Variants in RBM47 observed in about 807,000 individuals in gnomAD.
RBM47 encodes the protein RNA binding motif protein 47, also known as RNA-binding protein 47.
In RBM47, 21 loss-of-function variants were observed where a neutral mutation model predicts 47.1. That is an observed-to-expected ratio of 0.45 (90% CI 0.32 to 0.64). The LOEUF is 0.64. Among genes scored for constraint, RBM47 ranks in the 30% least tolerant of loss-of-function variants. RBM47 has a pLI of 0.05. For missense variants in RBM47, 708 were observed against 870.9 expected (o/e 0.81, Z 2.35); for synonymous variants, 375 against 361.7 (o/e 1.04, Z -0.42).
intron 1 of RBM47, among the ~76,000 whole-genome samples, chr4:40,614,918 C>T (rs1736584752): frequency 6.6e-6 from 1 of 151,984 alleles, no homozygotes; most frequent in African/African-American, 2.4e-5. Flanking sequence ...CTACACATGT[C>T]AAATGAGGAT....
intron 2 of RBM47, chr4:40,492,135 G>A (rs1721966393): frequency 6.6e-6 from 1 of 151,106 alleles, no homozygotes; most frequent in South Asian, 2.1e-4. Context: ...TTGGGAGGCA[G>A]AGATAGGCAG....
chr4:40,437,110 T>TATATATATATAA (rs1434102827), intron 4 of RBM47, among the ~76,000 whole-genome samples: 16 of 59,630 alleles, frequency 2.7e-4, no homozygotes, highest in African/African-American at 1.3e-3. Context: ...TATATATATA[T>TATATATATATAA]AAAATACATA....
At chr4:40,460,548 G>A (rs996774057) in intron 3 of RBM47, among the ~76,000 whole-genome samples, 2 of 152,268 alleles carry the variant, frequency 1.3e-5, no homozygotes, top group South Asian at 2.1e-4. Flanking sequence ...GGTGGCTCAC[G>A]CCTGTAATCC....
intron 1 of RBM47, among the ~76,000 whole-genome samples, chr4:40,555,274 C>G (rs147612929): frequency 0.02 from 3,000 of 152,220 alleles, 110 homozygotes; most frequent in African/African-American, 0.069. Flanking sequence ...TGCCATGTTG[C>G]CCAGCTGGTC....
chr4:40,625,090 T>C (rs905356244), intron 1 of RBM47, among the ~76,000 whole-genome samples: 2 of 152,084 alleles, frequency 1.3e-5, no homozygotes, highest in African/African-American at 4.8e-5. Flanking sequence ...CCTTGTGATC[T>C]ACCCGCCTTG....
intron 2 of RBM47, among the ~76,000 whole-genome samples, chr4:40,495,276 T>C (rs1419889857): frequency 6.6e-6 from 1 of 152,190 alleles, no homozygotes; most frequent in Non-Finnish European, 1.5e-5. Context: ...CCAGGTCTCA[T>C]GAAAAGTTGC....
At chr4:40,535,684 C>T (rs142846137) in intron 2 of RBM47, among the ~76,000 whole-genome samples, 3,410 of 152,146 alleles carry the variant, frequency 0.022, 44 homozygotes, top group Non-Finnish European at 0.035. Context: ...CTCAGTCTAC[C>T]GAGTAGCTGG....
intron 2 of RBM47, among the ~76,000 whole-genome samples, chr4:40,502,505 A>G (rs1243301662): frequency 6.6e-6 from 1 of 152,182 alleles, no homozygotes. Context: ...AGAGAGGCCA[A>G]TGAGTGCTCG....
intron 2 of RBM47, among the ~76,000 whole-genome samples, chr4:40,471,523 C>A (rs1323365832): frequency 1.3e-5 from 2 of 152,042 alleles, no homozygotes; most frequent in East Asian, 3.9e-4. Context: ...CCTGGTGAAA[C>A]CCCATCTCTA....
intron 2 of RBM47, among the ~76,000 whole-genome samples, chr4:40,535,629 C>T (rs566444372): frequency 1.3e-5 from 2 of 151,570 alleles, no homozygotes; most frequent in East Asian, 1.9e-4. Context: ...GGCGAGATCT[C>T]GGCTCACTGC....
intron 2 of RBM47, among the ~76,000 whole-genome samples, chr4:40,526,439 A>G (rs1210709457): frequency 7.0e-6 from 1 of 143,548 alleles, no homozygotes; most frequent in Non-Finnish European, 1.5e-5. Context: ...GGGTCTGTAC[A>G]AGAAAGTCAC....
chr4:40,560,627 A>T (rs10938226), intron 1 of RBM47, among the ~76,000 whole-genome samples: 39,035 of 152,080 alleles, frequency 0.26, 6,416 homozygotes, highest in African/African-American at 0.47. Flanking sequence ...ATTTTGTATG[A>T]TGCAGCCATC....
chr4:40,594,725 T>C (rs1734597753), intron 1 of RBM47, among the ~76,000 whole-genome samples: 1 of 152,194 alleles, frequency 6.6e-6, no homozygotes, highest in Non-Finnish European at 1.5e-5. Context: ...CAAATCCTTG[T>C]TTCTCCCGGC....
At chr4:40,432,401 CTG>C (rs770606259) in intron 6 of RBM47, among the ~76,000 whole-genome samples, 2 of 152,108 alleles carry the variant, frequency 1.3e-5, no homozygotes, top group Admixed American at 6.6e-5. Flanking sequence ...TATTATGACA[CTG>C]TGAAAAATTA....
intron 1 of RBM47, among the ~76,000 whole-genome samples, chr4:40,616,306 A>T (rs1023621496): frequency 2.0e-5 from 3 of 150,374 alleles, no homozygotes; most frequent in Admixed American, 6.7e-5. Context: ...GTGAGCCGAG[A>T]TCGCGCCACT....
chr4:40,541,019 TG>T (rs1466996414), intron 2 of RBM47, among the ~76,000 whole-genome samples: 2 of 151,888 alleles, frequency 1.3e-5, no homozygotes, highest in East Asian at 3.9e-4. Flanking sequence ...CCAGGCACAG[TG>T]GGTCACACTT....
chr4:40,490,021 G>A (rs1308824864), intron 2 of RBM47, among the ~76,000 whole-genome samples: 1 of 152,058 alleles, frequency 6.6e-6, no homozygotes, highest in Admixed American at 6.6e-5. Flanking sequence ...ATCAACAAAA[G>A]ACAAAAACTA....
At chr4:40,522,531 A>C (rs1726297402) in intron 2 of RBM47, among the ~76,000 whole-genome samples, 1 of 152,090 alleles carries the variant, frequency 6.6e-6, no homozygotes, top group African/African-American at 2.4e-5. Flanking sequence ...AACAAAACAA[A>C]AACTACCTCT....
chr4:40,499,415 A>G (rs917463756), intron 2 of RBM47, among the ~76,000 whole-genome samples: 1 of 152,026 alleles, frequency 6.6e-6, no homozygotes. Flanking sequence ...TATTTTATTT[A>G]TTTGTTTATT....
Sources: allele counts gnomAD v4.1 joint callset (sites outside exome capture counted in the v4.1 genomes callset), GRCh38; gene constraint gnomAD v4.1.1; transcripts MANE v1.5; gene names NCBI Gene and HGNC (gene_info 2026-07-23, HGNC 2026-07-21).